Variants in SGCD observed in about 807,000 individuals in gnomAD.
The protein encoded by SGCD is delta-sarcoglycan.
SGCD carries 18 observed loss-of-function variants against 36.6 expected under a neutral mutation model. The ratio of observed to expected loss-of-function variants is 0.49; its 90% CI spans 0.34 to 0.73. The LOEUF is 0.73. SGCD is among the 30% of genes least tolerant of loss of function. SGCD has a pLI of 0.01. For missense variants in SGCD, 387 were observed against 346.7 expected (o/e 1.12, Z -0.92); for synonymous variants, 133 against 130.6 (o/e 1.02, Z -0.12).
At chr5:156,522,842 A>C (rs958713808) in intron 4 of SGCD, among the ~76,000 whole-genome samples, 3 of 152,036 alleles carry the variant, frequency 2.0e-5, no homozygotes, top group Non-Finnish European at 4.4e-5. Flanking sequence ...TTCCACATAT[A>C]AAATGGGGCA....
intron 3 of SGCD, among the ~76,000 whole-genome samples, chr5:156,434,125 T>C (rs1753142944): frequency 6.6e-6 from 1 of 152,162 alleles, no homozygotes; most frequent in African/African-American, 2.4e-5. Flanking sequence ...GGAAAGGCAG[T>C]ATGGAAGGTG....
Position 156,340,224 on chromosome 5 carries a change from C to T in SGCD, c.4-4265C>T, listed in dbSNP as rs185222799. On this transcript the variant is annotated intron_variant, in intron 2 of 8. Coordinates refer to ENST00000337851, the MANE Select transcript of SGCD (RefSeq NM_000337.6). ...CAGTAGAGCATTTGTTTTGATGAGGCATCAATGACAGTTGAATTCTACATT... is the reference window on the plus strand; with the variant it reads ...CAGTAGAGCATTTGTTTTGATGAGGTATCAATGACAGTTGAATTCTACATT... Among the ~76,000 whole-genome samples the T allele has an allele frequency of 6.5e-3, 984 of 152,336 alleles. 4 individuals carry two copies. Among genetic ancestry groups the T allele is most frequent in the South Asian group, 0.012 (59 of 4,834 alleles).
rs184845189 is a variant in SGCD, at chr5:156,605,186, G to T, written c.502+10135G>T. ...TTTAACATGAGGTATATCTCATAATGCTATCCCTCCCCTCTCCCCCCACCC... is the reference window on the plus strand; with the variant it reads ...TTTAACATGAGGTATATCTCATAATTCTATCCCTCCCCTCTCCCCCCACCC... On this transcript the variant is annotated intron_variant, in intron 6 of 8. Coordinates refer to ENST00000337851, the MANE Select transcript of SGCD (RefSeq NM_000337.6). Among the ~76,000 whole-genome samples the T allele has an allele frequency of 2.5e-3, 381 of 152,202 alleles. 1 individual carries two copies. Among genetic ancestry groups the T allele is most frequent in the African/African-American group, 8.7e-3 (362 of 41,514 alleles).
intron 7 of SGCD, among the ~76,000 whole-genome samples, chr5:156,736,691 T>C (rs943972406): frequency 2.0e-5 from 3 of 152,176 alleles, no homozygotes; most frequent in Admixed American, 6.5e-5. Context: ...TTACTGAGCC[T>C]CATCTGTTCA....
the SGCD span, among the ~76,000 whole-genome samples, chr5:155,831,347 A>G: frequency 1.4e-4 from 22 of 152,294 alleles, no homozygotes; most frequent in Non-Finnish European, 2.6e-4. Flanking sequence ...CATCTTGTAC[A>G]ATGCACACAA....
At chr5:156,159,654 T>C (rs1275693355) in intron 3 of SGCD, among the ~76,000 whole-genome samples, 1 of 151,650 alleles carries the variant, frequency 6.6e-6, no homozygotes, top group Non-Finnish European at 1.5e-5. Context: ...ATTGGATAAA[T>C]AAAATTCATG....
intron 7 of SGCD, among the ~76,000 whole-genome samples, chr5:156,727,686 T>C (rs1354632595): frequency 3.4e-5 from 2 of 59,362 alleles, no homozygotes; most frequent in Non-Finnish European, 8.4e-5. Context: ...TCTGTCTATC[T>C]TGGTTTCTTC....
At chr5:156,253,241 TCTC>T (rs1446348607) in intron 3 of SGCD, among the ~76,000 whole-genome samples, 1 of 152,106 alleles carries the variant, frequency 6.6e-6, no homozygotes, top group Admixed American at 6.5e-5. Flanking sequence ...AACTGGATCT[TCTC>T]CTGACTTTTC....
At chr5:156,511,028 T>G (rs1756902949) in intron 4 of SGCD, among the ~76,000 whole-genome samples, 1 of 152,194 alleles carries the variant, frequency 6.6e-6, no homozygotes, top group Non-Finnish European at 1.5e-5. Flanking sequence ...GCTTAAAAAG[T>G]AACAATACTT....
chr5:156,611,683 TTCA>T (rs1303421765), intron 6 of SGCD, among the ~76,000 whole-genome samples: 2 of 152,210 alleles, frequency 1.3e-5, no homozygotes, highest in African/African-American at 4.8e-5. Flanking sequence ...TGTGCCTTTC[TTCA>T]TCTATTCCCC....
chr5:156,248,664 G>C (rs1348629209), intron 3 of SGCD, among the ~76,000 whole-genome samples: 2 of 152,154 alleles, frequency 1.3e-5, no homozygotes, highest in Non-Finnish European at 2.9e-5. Flanking sequence ...GACTTTATTC[G>C]AAGACGATAG....
chr5:155,755,857 G>C, the SGCD span, among the ~76,000 whole-genome samples: 2 of 152,118 alleles, frequency 1.3e-5, no homozygotes, highest in African/African-American at 4.8e-5. Context: ...ATAGGTAGTG[G>C]GCATGCAATT....
At chr5:155,929,987 A>G (rs1263720798) in intron 1 of SGCD, among the ~76,000 whole-genome samples, 1 of 152,148 alleles carries the variant, frequency 6.6e-6, no homozygotes, top group African/African-American at 2.4e-5. Context: ...TGCATAATTT[A>G]CAGGGTCCTA....
the SGCD span, among the ~76,000 whole-genome samples, chr5:155,835,723 G>A: frequency 1.3e-5 from 2 of 152,074 alleles, no homozygotes; most frequent in East Asian, 1.9e-4. Flanking sequence ...TGCCCATCTC[G>A]CCTAATGACA....
At chr5:155,741,499 T>C in the SGCD span, among the ~76,000 whole-genome samples, 1 of 151,950 alleles carries the variant, frequency 6.6e-6, no homozygotes, top group Non-Finnish European at 1.5e-5. Context: ...TAAAGTCAGG[T>C]TGGAATTTGG....
chr5:156,059,881 T>A lies in SGCD; in HGVS notation c.-281-57997T>A, dbSNP rs558420927. ...AGTTTGCTGACTTTTTATGTTTTTA[T>A]TTCTCTTCCTCTTTTCTTTTTAGCT... On this transcript the variant is annotated intron_variant, in intron 1 of 9. Transcript: ENST00000517913. Among the ~76,000 whole-genome samples the A allele has an allele frequency of 6.1e-5, 9 of 146,908 alleles. 1 individual carries two copies. The South Asian group carries it at 1.3e-3, about 21-fold the overall frequency.
chr5:156,164,648 C>T (rs1034189862), intron 3 of SGCD, among the ~76,000 whole-genome samples: 1 of 152,192 alleles, frequency 6.6e-6, no homozygotes, highest in East Asian at 1.9e-4. Flanking sequence ...GATTTTATTT[C>T]GAAGTGAGTA....
chr5:156,682,974 C>A (rs190072672), intron 7 of SGCD, among the ~76,000 whole-genome samples: 27 of 152,236 alleles, frequency 1.8e-4, no homozygotes, highest in African/African-American at 5.8e-4. Context: ...AACTTACAAT[C>A]CCCAAGAAAG....
chr5:156,110,600 G>A (rs76849917), intron 1 of SGCD, among the ~76,000 whole-genome samples: 3,980 of 151,498 alleles, frequency 0.026, 169 homozygotes, highest in African/African-American at 0.091. Context: ...AAAGCATGAA[G>A]CAATTTTTTA....
Sources: allele counts gnomAD v4.1 joint callset (sites outside exome capture counted in the v4.1 genomes callset), GRCh38; gene constraint gnomAD v4.1.1; transcripts MANE v1.5; gene names NCBI Gene and HGNC (gene_info 2026-07-23, HGNC 2026-07-21).